SLC39A11: variants seen among roughly 807,000 people sequenced by gnomAD.
SLC39A11 encodes zinc transporter ZIP11.
A neutral mutation model predicts 36.1 loss-of-function variants in SLC39A11; 33 were observed. The observed-to-expected ratio is 0.91, with a 90% CI of 0.69 to 1.22. The LOEUF is 1.22. Ranked by LOEUF, SLC39A11 falls within the 50% of genes most tolerant of loss-of-function variation. SLC39A11 has a pLI of 0.00. For missense variants in SLC39A11, 432 were observed against 430.3 expected (o/e 1.00, Z -0.03); for synonymous variants, 166 against 170.3 (o/e 0.97, Z 0.20).
At chr17:72,893,768 G>C (rs1174786117) in intron 5 of SLC39A11, among the ~76,000 whole-genome samples, 1 of 152,084 alleles carries the variant, frequency 6.6e-6, no homozygotes, top group Non-Finnish European at 1.5e-5. Flanking sequence ...ATTCTAATAG[G>C]GTCCTAGGAA....
At chr17:73,051,366 A>G (rs1428050826) in intron 3 of SLC39A11, among the ~76,000 whole-genome samples, 1 of 152,172 alleles carries the variant, frequency 6.6e-6, no homozygotes, top group Non-Finnish European at 1.5e-5. Flanking sequence ...AGACCTGTGA[A>G]GGTCACATTC....
chr17:73,002,115 A>G (rs543972780), intron 4 of SLC39A11, among the ~76,000 whole-genome samples: 1 of 152,174 alleles, frequency 6.6e-6, no homozygotes, highest in Non-Finnish European at 1.5e-5. Flanking sequence ...ATTGTAAGAC[A>G]TACCATTACT....
chr17:72,929,258 T>C (rs888078199), intron 5 of SLC39A11, among the ~76,000 whole-genome samples: 2 of 152,146 alleles, frequency 1.3e-5, no homozygotes, highest in Admixed American at 6.5e-5. Flanking sequence ...TTCTGCCCCA[T>C]GCACACATTG....
At chr17:73,044,440 A>T (rs2059205209) in intron 3 of SLC39A11, among the ~76,000 whole-genome samples, 4 of 152,240 alleles carry the variant, frequency 2.6e-5, no homozygotes, top group Admixed American at 2.6e-4. Flanking sequence ...GAAGACAAAC[A>T]ACAAAAACTA....
At chr17:72,830,788 T>C (rs1467222604) in intron 6 of SLC39A11, among the ~76,000 whole-genome samples, 1 of 152,114 alleles carries the variant, frequency 6.6e-6, no homozygotes, top group Non-Finnish European at 1.5e-5. Flanking sequence ...GGCACTCCTC[T>C]GAGTTCCTTA....
At chr17:72,887,303 C>G (rs1011162993) in intron 5 of SLC39A11, among the ~76,000 whole-genome samples, 1 of 152,226 alleles carries the variant, frequency 6.6e-6, no homozygotes, top group Non-Finnish European at 1.5e-5. Context: ...CTCCTCCAGT[C>G]TGTATCAGAA....
intron 6 of SLC39A11, among the ~76,000 whole-genome samples, chr17:72,765,054 T>G (rs1248464934): frequency 1.3e-5 from 2 of 152,284 alleles, no homozygotes. Flanking sequence ...CTAAACTACC[T>G]TTGTAAAGCT....
At chr17:72,747,095 C>T (rs574007539) in intron 6 of SLC39A11, among the ~76,000 whole-genome samples, 24 of 152,268 alleles carry the variant, frequency 1.6e-4, no homozygotes, top group Admixed American at 1.4e-3. Flanking sequence ...ACATCTATTG[C>T]TGGAGTGGAC....
At chr17:73,017,804 C>T (rs1224748530) in intron 4 of SLC39A11, among the ~76,000 whole-genome samples, 1 of 152,152 alleles carries the variant, frequency 6.6e-6, no homozygotes, top group Non-Finnish European at 1.5e-5. Flanking sequence ...AGAGGAGGAT[C>T]ATCACACAAA....
chr17:72,870,911 A>G (rs1316794909), intron 5 of SLC39A11, among the ~76,000 whole-genome samples: 1 of 152,206 alleles, frequency 6.6e-6, no homozygotes, highest in Non-Finnish European at 1.5e-5. Flanking sequence ...TTTGGTCTTC[A>G]TCTTGATTCC....
intron 5 of SLC39A11, among the ~76,000 whole-genome samples, chr17:72,864,310 T>A (rs1032902589): frequency 8.7e-6 from 1 of 114,760 alleles, no homozygotes; most frequent in African/African-American, 4.0e-5. Flanking sequence ...AAGCATCGGC[T>A]TTTTTTTTTT....
intron 7 of SLC39A11, among the ~76,000 whole-genome samples, chr17:72,674,770 C>T (rs2071179788): frequency 6.6e-6 from 1 of 152,278 alleles, no homozygotes; most frequent in Non-Finnish European, 1.5e-5. Flanking sequence ...GTTGTTACAA[C>T]TAGCATGTTT....
intron 2 of SLC39A11, among the ~76,000 whole-genome samples, chr17:73,087,289 G>C (rs975680197): frequency 2.9e-4 from 44 of 152,122 alleles, no homozygotes; most frequent in African/African-American, 1.1e-3. Context: ...GCAGTGCAGC[G>C]CAGCAAGGGA....
Position 72,678,805 on chromosome 17 carries a change from G to A in SLC39A11, c.672-29537C>T, listed in dbSNP as rs1300145301. On this transcript the variant is annotated intron_variant, in intron 7 of 9. Coordinates refer to ENST00000255559, the MANE Select transcript of SLC39A11 (RefSeq NM_139177.4). ...TCTGAGCTCCTAATCTCTCAGAGAC[G>A]ACATCCAGGGTGCAACAAAGAATAG... Among the ~76,000 whole-genome samples the A allele has an allele frequency of 2.6e-5, 4 of 152,078 alleles. 1 individual carries two copies. In the South Asian group the frequency reaches 6.2e-4, roughly 24 times the overall value.
chr17:72,924,344 C>A (rs1278596298), intron 5 of SLC39A11, among the ~76,000 whole-genome samples: 1 of 151,892 alleles, frequency 6.6e-6, no homozygotes, highest in Non-Finnish European at 1.5e-5. Context: ...CATGGTCTCA[C>A]AGAAACCTGA....
intron 5 of SLC39A11, among the ~76,000 whole-genome samples, chr17:72,912,483 G>A (rs1165592335): frequency 6.6e-6 from 1 of 151,454 alleles, no homozygotes; most frequent in Non-Finnish European, 1.5e-5. Context: ...TACCCAGGCT[G>A]GAGTGCAGTG....
intron 3 of SLC39A11, among the ~76,000 whole-genome samples, chr17:73,067,099 AG>A (rs1201724797): frequency 2.6e-5 from 4 of 152,254 alleles, no homozygotes; most frequent in Admixed American, 1.3e-4. Context: ...GAAGACTAAA[AG>A]TTCTCTCCGC....
At chr17:72,952,475 C>G (rs997661300) in intron 4 of SLC39A11, among the ~76,000 whole-genome samples, 1 of 150,788 alleles carries the variant, frequency 6.6e-6, no homozygotes, top group African/African-American at 2.4e-5. Context: ...ATATCCCCCA[C>G]CCCCCTGCTG....
chr17:72,888,807 A>G (rs1468636807), intron 5 of SLC39A11, among the ~76,000 whole-genome samples: 2 of 151,998 alleles, frequency 1.3e-5, no homozygotes, highest in Non-Finnish European at 2.9e-5. Context: ...GAGGCTGAGG[A>G]GAGAGGATTG....
Sources: allele counts gnomAD v4.1 joint callset (sites outside exome capture counted in the v4.1 genomes callset), GRCh38; gene constraint gnomAD v4.1.1; transcripts MANE v1.5; gene names NCBI Gene and HGNC (gene_info 2026-07-23, HGNC 2026-07-21).